The following CCDC138 variants were observed in gnomAD, a reference collection of about 807,000 sequenced individuals.
The protein encoded by CCDC138 is coiled-coil domain-containing protein 138.
In CCDC138, 66 loss-of-function variants were observed where a neutral mutation model predicts 82.3. The observed-to-expected ratio is 0.80, with a 90% CI of 0.66 to 0.98. CCDC138 has a LOEUF of 0.98. Among genes scored for constraint, CCDC138 ranks in the 50% least tolerant of loss-of-function variants. The pLI is 0.00. For synonymous variants in CCDC138, 297 were observed against 265.4 expected, an observed-to-expected ratio of 1.12 and a Z score of -1.16; for missense variants, 816 against 758.9, an observed-to-expected ratio of 1.08 and a Z score of -0.88.
chr2:108,804,925 C>A lies in CCDC138; in HGVS notation c.772C>A (p.Leu258Ile). The part of the protein sequence containing the change: ...DAEVEHLTEV[L>I]KEKNKETKRL... The stretch of plus-strand genomic sequence containing the variant: ...AGAAGTTGAACACTTAACCGAAGTT[C>A]TTAAGGAAAAGAATAAAGAAACCAA... Residue 258 changes from leucine to isoleucine, a missense_variant, in exon 7 of 15, where the codon CTT becomes ATT. Leu to Ile is a conservative substitution (Grantham distance 5). Transcript: ENST00000295124. 1 of 1,565,086 alleles carries A rather than the reference C, an allele frequency of 6.4e-7. No homozygotes were observed. The highest frequency in any genetic ancestry group is 8.6e-7 in the Non-Finnish European group (1 of 1,161,840).
At chr2:108,867,987 C>G (rs932453811) in intron 13 of CCDC138, among the ~76,000 whole-genome samples, 1 of 152,202 alleles carries the variant, frequency 6.6e-6, no homozygotes, top group Non-Finnish European at 1.5e-5. Context: ...TAGCTCTTAT[C>G]TGAGGAACTT....
At chr2:108,817,385 C>T (rs1327749618) in intron 10 of CCDC138, among the ~76,000 whole-genome samples, 6 of 152,020 alleles carry the variant, frequency 3.9e-5, no homozygotes, top group African/African-American at 7.3e-5. Context: ...CTCCACCTCC[C>T]GGGTTCAAGT....
At chr2:108,866,060 A>G (rs536513123) in intron 13 of CCDC138, among the ~76,000 whole-genome samples, 12 of 152,250 alleles carry the variant, frequency 7.9e-5, no homozygotes, top group Non-Finnish European at 1.6e-4. Context: ...GGGTATCTGA[A>G]TTGACTTACT....
rs889437491 is a variant in CCDC138, at chr2:108,876,140, A to G, written c.1885A>G (p.Ile629Val). The change falls in exon 15 of 15, where the codon ATA becomes GTA. Residue 629 changes from isoleucine to valine, a missense_variant. Coordinates refer to ENST00000295124, the MANE Select transcript of CCDC138 (RefSeq NM_144978.3). ...LFTIHLMLQE[I>V]QRTTNPEHAF... is the part of the protein sequence containing the mutation. ...TACGATTCATCTGATGCTTCAAGAA[A>G]TACAAAGGACAACAAACCCAGAGCA... 2 of 1,609,940 alleles carry G rather than the reference A, an allele frequency of 1.2e-6. No homozygotes were observed. The highest frequency in any genetic ancestry group is 1.7e-6 in the Non-Finnish European group (2 of 1,176,338).
At chr2:108,815,842 T>G in intron 9 of CCDC138, 99 bp from the exon 10 acceptor site, 4 of 987,832 alleles carry the variant, frequency 4.0e-6, no homozygotes, top group Non-Finnish European at 4.5e-6. Context: ...GTGAATTACT[T>G]TAGTCAAATT....
chr2:108,815,814 T>G, intron 9 of CCDC138, 127 bp from the exon 10 acceptor site: 1 of 772,070 alleles, frequency 1.3e-6, no homozygotes, highest in Non-Finnish European at 2.0e-6. Flanking sequence ...GGAGAAGCTC[T>G]GTCCTTAACA....
At chr2:108,865,264 C>G (rs1048140728) in intron 13 of CCDC138, among the ~76,000 whole-genome samples, 22 of 152,084 alleles carry the variant, frequency 1.4e-4, no homozygotes, top group African/African-American at 4.6e-4. Context: ...TTGGCTGTTT[C>G]TAGTCTTTGG....
intron 9 of CCDC138, among the ~76,000 whole-genome samples, chr2:108,813,529 C>T (rs1305256228): frequency 2.0e-5 from 3 of 152,094 alleles, no homozygotes; most frequent in Non-Finnish European, 4.4e-5. Flanking sequence ...TTTTGACACT[C>T]CACAAGCATT....
chr2:108,839,927 T>C (rs2150435359), intron 11 of CCDC138, among the ~76,000 whole-genome samples: 1 of 152,118 alleles, frequency 6.6e-6, no homozygotes, highest in Admixed American at 6.5e-5. Context: ...GTGAGAGTAG[T>C]CATCCTTGCC....
chr2:108,871,094 T>C (rs891561334), intron 13 of CCDC138, among the ~76,000 whole-genome samples: 1 of 152,168 alleles, frequency 6.6e-6, no homozygotes, highest in Non-Finnish European at 1.5e-5. Flanking sequence ...GACACGTTCC[T>C]ATGGTTGTGT....
intron 14 of CCDC138, among the ~76,000 whole-genome samples, chr2:108,875,731 C>T (rs1296391390): frequency 2.6e-5 from 4 of 152,048 alleles, no homozygotes. Context: ...TGGTGATGTG[C>T]GCCTGTAGTC....
intron 11 of CCDC138, among the ~76,000 whole-genome samples, chr2:108,842,283 C>T (rs1689634309): frequency 6.6e-6 from 1 of 151,874 alleles, no homozygotes; most frequent in African/African-American, 2.4e-5. Flanking sequence ...AAGTGATCCT[C>T]CTGCCTTGGC....
Position 108,858,553 on chromosome 2 carries a change from G to A in CCDC138, c.1693+1583G>A, listed in dbSNP as rs538699370. On this transcript the variant is annotated intron_variant, in intron 13 of 14. Transcript: ENST00000295124. Reference sequence around the variant, plus strand: ...GAATTTTAATGTAAATTCAGTACTTGTTGGTCAGCCAGTACGATTTATTAG... The same window carrying A: ...GAATTTTAATGTAAATTCAGTACTTATTGGTCAGCCAGTACGATTTATTAG... 2.0e-5 allele frequency among the ~76,000 whole-genome samples: 3 copies of A among 152,260 alleles called. No individual in the cohort carries two copies. The East Asian group carries it at 5.8e-4, about 29-fold the overall frequency.
chr2:108,867,248 G>A (rs904815442), intron 13 of CCDC138, among the ~76,000 whole-genome samples: 1 of 152,162 alleles, frequency 6.6e-6, no homozygotes, highest in Non-Finnish European at 1.5e-5. Context: ...AGAAGAAGAG[G>A]TGGACACAAG....
chr2:108,838,607 G>T (rs1688960283), intron 10 of CCDC138, among the ~76,000 whole-genome samples: 1 of 151,968 alleles, frequency 6.6e-6, no homozygotes. Flanking sequence ...ATATACTTTT[G>T]AAGCAAAATT....
At position 108,864,261 on chromosome 2, in the gene CCDC138, G is replaced by A. The variant is rs905513152; in HGVS notation, c.1693+7291G>A. On this transcript the variant is annotated intron_variant, in intron 13 of 14. Coordinates refer to ENST00000295124, the MANE Select transcript of CCDC138 (RefSeq NM_144978.3). ...AAGAAAGCAAATAATTAAATATCCA[G>A]ATGATGAACACGCTATTTTTATTTA... Among the ~76,000 whole-genome samples, 6 of 152,224 alleles carry A rather than the reference G, an allele frequency of 3.9e-5. No individual in the cohort carries two copies. The South Asian group carries it at 8.3e-4, about 21-fold the overall frequency.
intron 12 of CCDC138, 46 bp from the exon 13 acceptor site, chr2:108,856,748 C>G: frequency 6.3e-7 from 1 of 1,579,548 alleles, no homozygotes; most frequent in Non-Finnish European, 8.6e-7. Flanking sequence ...CTGATTGACA[C>G]CTAGACTAGC....
At position 108,839,270 on chromosome 2, in the gene CCDC138, G is replaced by A. The variant is rs1391018287; in HGVS notation, c.1292G>A (p.Trp431Ter). 6.2e-7 allele frequency: 1 copy of A among 1,612,184 alleles called. No individual in the cohort carries two copies. Among genetic ancestry groups the A allele is most frequent in the East Asian group, 2.2e-5 (1 of 44,732 alleles). ...GAGCCTTTTGTAAAATTTATATATTGGTCCCTAAGGCAGCTAGATGCTGGA... is the reference window on the plus strand; with the variant it reads ...GAGCCTTTTGTAAAATTTATATATTAGTCCCTAAGGCAGCTAGATGCTGGA... ...LHEPFVKFIY[W>*]SLRQLDAGAQ... Residue 431 changes from tryptophan (W) to a stop codon, truncating the protein, a stop_gained, in exon 11 of 15, where the codon TGG becomes TAG. Transcript: ENST00000295124. LOFTEE classifies it high-confidence loss of function.
downstream of CCDC138, among the ~76,000 whole-genome samples, chr2:108,877,603 A>AG (rs397755239): frequency 1.8e-4 from 3 of 16,846 alleles, no homozygotes; most frequent in South Asian, 2.8e-3. Flanking sequence ...GTATATAGAG[A>AG]TAGTACTCAT....
Sources: allele counts gnomAD v4.1 joint callset (sites outside exome capture counted in the v4.1 genomes callset), GRCh38; gene constraint gnomAD v4.1.1; transcripts MANE v1.5; gene names NCBI Gene and HGNC (gene_info 2026-07-23, HGNC 2026-07-21).